The following ANTXR1 variants were observed in gnomAD, a reference collection of about 807,000 sequenced individuals.
The protein encoded by ANTXR1 is anthrax toxin receptor 1.
A neutral mutation model predicts 78.1 loss-of-function variants in ANTXR1; 19 were observed. The ratio of observed to expected loss-of-function variants is 0.24; its 90% CI spans 0.17 to 0.36. The LOEUF (loss-of-function observed/expected upper bound fraction) is 0.36, where lower values mean the gene tolerates loss of function less well. Among genes scored for constraint, ANTXR1 ranks in the 10% least tolerant of loss-of-function variants. The probability of loss-of-function intolerance (pLI) is 1.00; values close to 1 mark genes in which losing one functional copy is unlikely to be tolerated. For missense variants in ANTXR1, 518 were observed against 718.6 expected (o/e 0.72, Z 3.19); for synonymous variants, 273 against 260.5 (o/e 1.05, Z -0.46).
Position 69,105,061 on chromosome 2 carries a change from G to A in ANTXR1, c.802+2121G>A, listed in dbSNP as rs139723283. Among the ~76,000 whole-genome samples the A allele has an allele frequency of 1.4e-3, 206 of 152,308 alleles. 2 individuals carry two copies. The East Asian group carries it at 0.024, about 18-fold the overall frequency. ...AGATCATGCCACTGCACTCCAGCCT[G>A]GGTGACAGAGTGAGACCCCATCCAA... On this transcript the variant is annotated intron_variant, in intron 10 of 17. Coordinates refer to ENST00000303714, the MANE Select transcript of ANTXR1 (RefSeq NM_032208.3).
chr2:69,137,903 G>A (rs1672960935), intron 12 of ANTXR1, among the ~76,000 whole-genome samples: 1 of 151,778 alleles, frequency 6.6e-6, no homozygotes, highest in South Asian at 2.1e-4. Context: ...GGCAAACATG[G>A]TGAAACCCCA....
rs117179490 is a variant in ANTXR1 at position 69,172,094 on chromosome 2, T to C, written c.1089+1805T>C. Among the ~76,000 whole-genome samples, 32 of 152,342 alleles carry C rather than the reference T, an allele frequency of 2.1e-4. 1 individual carries two copies. The East Asian group carries it at 5.4e-3, about 26-fold the overall frequency. ...AGACGTGAGCTGGACAGATGACTAG[T>C]ACATTTCATTGGCTGATGAAAAACA... is the stretch of plus-strand genomic sequence containing the variant. On this transcript the variant is annotated intron_variant, in intron 14 of 17. Transcript: ENST00000303714.
chr2:69,021,279 C>T (rs1671181917), intron 1 of ANTXR1, among the ~76,000 whole-genome samples: 1 of 152,152 alleles, frequency 6.6e-6, no homozygotes, highest in Admixed American at 6.5e-5. Flanking sequence ...AGTCTCAAAC[C>T]CAAGCCCCTC....
At chr2:69,044,985 A>G (rs963188705) in intron 3 of ANTXR1, among the ~76,000 whole-genome samples, 172 bp downstream of exon 3, 4 of 151,930 alleles carry the variant, frequency 2.6e-5, no homozygotes, top group Non-Finnish European at 5.9e-5. Flanking sequence ...CTGCTAGTTC[A>G]CTCTTCAGTT....
intron 2 of ANTXR1, among the ~76,000 whole-genome samples, chr2:69,042,881 T>C (rs1573802772): frequency 1.3e-5 from 2 of 152,256 alleles, no homozygotes; most frequent in African/African-American, 2.4e-5. Flanking sequence ...AACTCTTTCC[T>C]CCACTGGCTC....
intron 10 of ANTXR1, among the ~76,000 whole-genome samples, chr2:69,113,444 T>C (rs1343734108): frequency 1.3e-5 from 2 of 152,178 alleles, no homozygotes; most frequent in Non-Finnish European, 2.9e-5. Context: ...TCAACATCCA[T>C]TGAGAGAAGT....
At chr2:69,136,829 T>C (rs528599048) in intron 12 of ANTXR1, among the ~76,000 whole-genome samples, 1 of 152,298 alleles carries the variant, frequency 6.6e-6, no homozygotes, top group Admixed American at 6.5e-5. Context: ...AACTATTAGT[T>C]GGGCATAGAA....
chr2:69,103,571 G>GA (rs575065094), intron 10 of ANTXR1: 421 of 158,198 alleles, frequency 2.7e-3, no homozygotes, highest in Non-Finnish European at 4.0e-3. Flanking sequence ...CATTTCATGA[G>GA]AAAAAATGAA....
intron 17 of ANTXR1, among the ~76,000 whole-genome samples, chr2:69,209,717 G>A (rs761488568): frequency 2.6e-5 from 4 of 152,268 alleles, no homozygotes; most frequent in Non-Finnish European, 5.9e-5. Context: ...AGGCCTGCAA[G>A]GCTGGAAAGA....
At chr2:69,076,296 A>C (rs1670728327) in intron 7 of ANTXR1, among the ~76,000 whole-genome samples, 1 of 152,232 alleles carries the variant, frequency 6.6e-6, no homozygotes, top group African/African-American at 2.4e-5. Flanking sequence ...TTTGACAAGT[A>C]TGATTTTCTT....
intron 10 of ANTXR1, among the ~76,000 whole-genome samples, chr2:69,119,069 A>G (rs1672254647): frequency 6.6e-6 from 1 of 152,002 alleles, no homozygotes; most frequent in Non-Finnish European, 1.5e-5. Flanking sequence ...TGGTCTCCCA[A>G]GCAGAAAAGG....
intron 16 of ANTXR1, among the ~76,000 whole-genome samples, chr2:69,185,673 T>G (rs968336949): frequency 6.6e-6 from 1 of 152,174 alleles, no homozygotes; most frequent in Non-Finnish European, 1.5e-5. Context: ...AGGCCATGAT[T>G]GCACTGCGGT....
At chr2:69,179,790 G>T (rs2104460447) in intron 14 of ANTXR1, among the ~76,000 whole-genome samples, 1 of 152,262 alleles carries the variant, frequency 6.6e-6, no homozygotes, top group Admixed American at 6.5e-5. Context: ...CTTCCTGGGT[G>T]GTTGCAAGAT....
intron 12 of ANTXR1, among the ~76,000 whole-genome samples, chr2:69,130,218 G>A (rs182670689): frequency 6.6e-6 from 1 of 152,278 alleles, no homozygotes; most frequent in Non-Finnish European, 1.5e-5. Context: ...ACTGGCTGCT[G>A]GGTTGGAAAG....
At chr2:69,219,279 AGTCATCTCC>A (rs1675255673) in intron 17 of ANTXR1, among the ~76,000 whole-genome samples, 2 of 152,162 alleles carry the variant, frequency 1.3e-5, no homozygotes, top group African/African-American at 4.8e-5. Context: ...CTGTGTGCGT[AGTCATCTCC>A]TCAACCTGCC....
At chr2:69,102,749 G>C in intron 9 of ANTXR1, 93 bp from the exon 10 acceptor site, 2 of 1,301,874 alleles carry the variant, frequency 1.5e-6, no homozygotes, top group Admixed American at 1.7e-5. Context: ...TTTAAGCCTG[G>C]TGAAATAGTG....
chr2:69,225,045 T>C (rs1400055961), intron 17 of ANTXR1, among the ~76,000 whole-genome samples: 1 of 152,066 alleles, frequency 6.6e-6, no homozygotes, highest in Non-Finnish European at 1.5e-5. Flanking sequence ...CCAGCCCCTC[T>C]CTTCCCTTCT....
chr2:69,104,337 G>A (rs527358283), intron 10 of ANTXR1, among the ~76,000 whole-genome samples: 1 of 152,316 alleles, frequency 6.6e-6, no homozygotes, highest in Non-Finnish European at 1.5e-5. Context: ...CACTTTAGTA[G>A]TTAAACAGAC....
At chr2:69,070,576 T>C (rs757217167) in intron 3 of ANTXR1, 71 bp from the exon 4 acceptor site, 28 of 1,384,572 alleles carry the variant, frequency 2.0e-5, no homozygotes, top group Admixed American at 1.0e-4. Context: ...AGAAGAAGAC[T>C]AGTACTTATG....
Sources: gnomAD v4.1 joint callset for allele counts (sites outside exome capture counted in the v4.1 genomes callset) on GRCh38, gnomAD v4.1.1 for gene constraint, MANE v1.5 for transcripts, NCBI Gene and HGNC (gene_info 2026-07-23, HGNC 2026-07-21) for gene names.